GFRA2: variants seen among roughly 807,000 people sequenced by gnomAD.
GFRA2 encodes the protein GDNF family receptor alpha-2.
Under a neutral mutation model 48.3 loss-of-function variants are expected in GFRA2, and 17 were observed. The ratio of observed to expected loss-of-function variants is 0.35; its 90% CI spans 0.24 to 0.53. The LOEUF (loss-of-function observed/expected upper bound fraction) is 0.53, where lower values mean the gene tolerates loss of function less well. Among genes scored for constraint, GFRA2 ranks in the 20% least tolerant of loss-of-function variants. The probability of loss-of-function intolerance (pLI) is 0.93; values close to 1 mark genes in which losing one functional copy is unlikely to be tolerated. For missense variants in GFRA2, 660 were observed against 637.3 expected (o/e 1.04, Z -0.38); for synonymous variants, 305 against 257.2 (o/e 1.19, Z -1.78).
intron 4 of GFRA2, among the ~76,000 whole-genome samples, chr8:21,707,334 T>C (rs1227719228): frequency 6.6e-6 from 1 of 152,014 alleles, no homozygotes; most frequent in Non-Finnish European, 1.5e-5. Flanking sequence ...CCTGTCCCAT[T>C]TGGGAAAGGA....
In GFRA2 at chr8:21,695,165, C is replaced by A. The variant is rs184067196; in HGVS notation, c.1219-648G>T. On this transcript the variant is annotated intron_variant, in intron 7 of 8. Transcript: ENST00000524240. ...GGAACACTGTGGGCAAGGTGAGGGA[C>A]GAGAAGGGCTGCCTTGGTAATGATT... Among the ~76,000 whole-genome samples, 7 of 152,296 alleles carry A rather than the reference C, an allele frequency of 4.6e-5. No individual in the cohort carries two copies. The South Asian group carries it at 1.0e-3, about 23-fold the overall frequency.
intron 3 of GFRA2, among the ~76,000 whole-genome samples, chr8:21,766,458 C>A (rs1806155535): frequency 6.6e-6 from 1 of 151,942 alleles, no homozygotes; most frequent in Admixed American, 6.5e-5. Context: ...AGAGGGTGCT[C>A]AGTGAGTTAT....
chr8:21,765,308 G>C (rs1806101222), intron 3 of GFRA2, among the ~76,000 whole-genome samples: 1 of 151,804 alleles, frequency 6.6e-6, no homozygotes, highest in African/African-American at 2.4e-5. Flanking sequence ...GTGGGGTTTT[G>C]CTATGTTGCT....
At chr8:21,754,755 C>T (rs561106360) in intron 3 of GFRA2, among the ~76,000 whole-genome samples, 7 of 152,128 alleles carry the variant, frequency 4.6e-5, no homozygotes, top group South Asian at 4.2e-4. Context: ...GTGATCCGCC[C>T]GCCTCGGCCT....
chr8:21,732,426 C>T (rs988314713), intron 4 of GFRA2, among the ~76,000 whole-genome samples: 10 of 152,184 alleles, frequency 6.6e-5, no homozygotes, highest in African/African-American at 2.4e-4. Context: ...ACAGGGAGCC[C>T]CATGGCAGTG....
At chr8:21,808,494 G>A (rs954929911) in intron 1 of GFRA2, among the ~76,000 whole-genome samples, 4 of 152,232 alleles carry the variant, frequency 2.6e-5, no homozygotes, top group Admixed American at 2.0e-4. Flanking sequence ...GTCAGAGTAA[G>A]CCTAGTATGT....
chr8:21,706,229 A>G (rs1216017452), intron 4 of GFRA2, among the ~76,000 whole-genome samples, 188 bp from the exon 5 acceptor site: 3 of 152,136 alleles, frequency 2.0e-5, no homozygotes, highest in Non-Finnish European at 4.4e-5. Context: ...CTTCTTGAGG[A>G]CAGAGACTTC....
chr8:21,762,375 C>T (rs141889974), intron 3 of GFRA2, among the ~76,000 whole-genome samples: 2,538 of 152,302 alleles, frequency 0.017, 53 homozygotes, highest in South Asian at 0.084. Context: ...CCCTTGTCCC[C>T]TACTGCTCTG....
chr8:21,702,034 A>G (rs1447503294), intron 7 of GFRA2, among the ~76,000 whole-genome samples: 3 of 152,122 alleles, frequency 2.0e-5, no homozygotes, highest in Non-Finnish European at 2.9e-5. Flanking sequence ...AGTCTGGAGG[A>G]CCTGACAGAT....
chr8:21,788,363 G>C lies in GFRA2; in HGVS notation c.-204C>G. On this transcript the variant is annotated 5_prime_UTR_variant, in exon 1 of 9. Transcript: ENST00000524240. ...GGGGTGGGGTGAGAGGCGGGCGATG[G>C]GCTGCTGCCTCTCGACGCCCCCCTT... 1 of 1,345,152 alleles carries C rather than the reference G, an allele frequency of 7.4e-7. No individual in the cohort carries two copies. The highest frequency in any genetic ancestry group is 9.5e-7 in the Non-Finnish European group (1 of 1,053,952). The allele number at this position is 1,345,152 out of a possible 1,614,324, so 83.3% of individuals were successfully genotyped here.
intron 1 of GFRA2, among the ~76,000 whole-genome samples, chr8:21,806,965 A>C (rs1447746335): frequency 1.3e-5 from 2 of 152,164 alleles, no homozygotes; most frequent in East Asian, 3.8e-4. Context: ...TGGTCACTTC[A>C]AGCTTCCTAA....
intron 3 of GFRA2, among the ~76,000 whole-genome samples, chr8:21,759,636 C>A (rs562991934): frequency 1.3e-4 from 19 of 151,814 alleles, no homozygotes; most frequent in African/African-American, 4.6e-4. Context: ...CACCTGTAAC[C>A]CCAGCATTTT....
intron 1 of GFRA2, 188 bp from the exon 2 acceptor site, chr8:21,783,087 G>A: frequency 4.2e-6 from 3 of 706,812 alleles, no homozygotes; most frequent in Non-Finnish European, 7.7e-6. Flanking sequence ...TCCCCTGGAT[G>A]TAGGAGCAAG....
At chr8:21,708,923 G>C (rs751962727) in intron 4 of GFRA2, among the ~76,000 whole-genome samples, 91 of 152,298 alleles carry the variant, frequency 6.0e-4, no homozygotes, top group South Asian at 1.5e-3. Context: ...TTGCTACAGC[G>C]GCCCCAGGAA....
At chr8:21,726,750 ATT>A (rs35319026) in intron 4 of GFRA2, among the ~76,000 whole-genome samples, 2,000 of 113,068 alleles carry the variant, frequency 0.018, 37 homozygotes, top group African/African-American at 0.061. Context: ...CAAACACCCT[ATT>A]TTTTTTTTTT....
Position 21,787,260 on chromosome 8 carries a change from C to CGGG in GFRA2, c.40+859_40+860insCCC, listed in dbSNP as rs1392852698. ...CAGCCTCTCCTCCCTGTCTTGGAGGCGGCGGGGGGGGCAGTGGGGGGGGTT... is the reference window on the plus strand; with the variant it reads ...CAGCCTCTCCTCCCTGTCTTGGAGGCGGGGGCGGGGGGGGCAGTGGGGGGGGTT... On this transcript the variant is annotated intron_variant, in intron 1 of 8. Coordinates refer to ENST00000524240, the MANE Select transcript of GFRA2 (RefSeq NM_001495.5). Among the ~76,000 whole-genome samples, 179 of 61,234 alleles carry CGGG rather than the reference C, an allele frequency of 2.9e-3. 2 individuals carry two copies. Among genetic ancestry groups the CGGG allele is most frequent in the African/African-American group, 8.6e-3 (124 of 14,402 alleles). The allele number at this position is 61,234 out of a possible 152,430, so 40.2% of individuals were successfully genotyped here.
rs200099422 is a variant in GFRA2 at position 21,781,662 on chromosome 8, C to A, written c.355+923G>T. On this transcript the variant is annotated intron_variant, in intron 2 of 8. Transcript: ENST00000524240. ...GCCCCCTTATTTATCCGCACCTCCC[C>A]AGACTCGGCTTCAGGAGGGCAGAGG... Among the ~76,000 whole-genome samples the A allele has an allele frequency of 2.6e-3, 397 of 152,210 alleles. 21 individuals carry two copies. In the East Asian group the frequency reaches 0.071, roughly 27 times the overall value.
intron 2 of GFRA2, among the ~76,000 whole-genome samples, chr8:21,803,572 C>T (rs1807808198): frequency 6.6e-6 from 1 of 152,142 alleles, no homozygotes; most frequent in African/African-American, 2.4e-5. Flanking sequence ...TGAGGAACAA[C>T]AAGACTCAAG....
chr8:21,702,756 AC>A, intron 7 of GFRA2, 48 bp downstream of exon 7: 1 of 1,514,994 alleles, frequency 6.6e-7, no homozygotes, highest in Non-Finnish European at 8.8e-7. Flanking sequence ...TTCCCATGCC[AC>A]TTCCGGTGCC....
Sources: gnomAD v4.1 joint callset for allele counts (sites outside exome capture counted in the v4.1 genomes callset) on GRCh38, gnomAD v4.1.1 for gene constraint, MANE v1.5 for transcripts, NCBI Gene and HGNC (gene_info 2026-07-23, HGNC 2026-07-21) for gene names.